BAHCC1: variants seen among roughly 807,000 people sequenced by gnomAD.
BAHCC1 encodes BAH domain and coiled-coil containing 1, also known as BAH and coiled-coil domain-containing protein 1.
Under a neutral mutation model 88.2 loss-of-function variants are expected in BAHCC1, and 43 were observed. The ratio of observed to expected loss-of-function variants is 0.49; its 90% CI spans 0.38 to 0.63. The LOEUF is 0.63. Ranked by LOEUF, BAHCC1 falls within the 20% of genes least tolerant of loss-of-function variation. The pLI, the probability that BAHCC1 is intolerant of heterozygous loss-of-function variation, is 0.00. For missense variants in BAHCC1, 3,023 were observed against 1,654.8 expected (o/e 1.83, Z -14.34); for synonymous variants, 1,510 against 745.5 (o/e 2.03, Z -16.71).
intron 11 of BAHCC1, 111 bp downstream of exon 11, chr17:81,447,959 A>G (rs2064565271): frequency 3.0e-6 from 2 of 663,778 alleles, no homozygotes; most frequent in East Asian, 2.7e-5. Flanking sequence ...AGTTGTCCCC[A>G]AAGTGTGGTA....
chr17:81,409,197 C>A (rs879979976), intron 2 of BAHCC1, among the ~76,000 whole-genome samples: 13 of 152,262 alleles, frequency 8.5e-5, no homozygotes, highest in Admixed American at 2.0e-4. Flanking sequence ...ATGGCAGCAT[C>A]CCCTGGCCTT....
chr17:81,452,276 C>A (rs2064653957), intron 13 of BAHCC1, among the ~76,000 whole-genome samples, 169 bp downstream of exon 13: 3 of 152,154 alleles, frequency 2.0e-5, no homozygotes, highest in Non-Finnish European at 1.5e-5. Context: ...CAGTGGGGCC[C>A]AAGGAGGGAG....
At chr17:81,454,308 G>C (rs1372350570) in intron 14 of BAHCC1, among the ~76,000 whole-genome samples, 2 of 152,200 alleles carry the variant, frequency 1.3e-5, no homozygotes, top group Non-Finnish European at 2.9e-5. Flanking sequence ...ATGTAGGCTG[G>C]AGTTGACTTC....
intron 1 of BAHCC1, among the ~76,000 whole-genome samples, chr17:81,398,003 A>G (rs781844557): frequency 6.6e-6 from 1 of 152,218 alleles, no homozygotes; most frequent in African/African-American, 2.4e-5. Context: ...TAGAACCCGG[A>G]CCATAAAATA....
chr17:81,433,945 G>T (rs1421305283), intron 3 of BAHCC1, among the ~76,000 whole-genome samples: 1 of 152,242 alleles, frequency 6.6e-6, no homozygotes, highest in Non-Finnish European at 1.5e-5. Context: ...GTGCTGAGTT[G>T]CGGGCGGGTG....
At chr17:81,396,972 G>A (rs1363410116) in intron 1 of BAHCC1, 2 of 152,196 alleles carry the variant, frequency 1.3e-5, no homozygotes, top group Non-Finnish European at 2.9e-5. Context: ...GCTGGGCTGG[G>A]AGTGGGCCCC....
intron 2 of BAHCC1, chr17:81,402,161 C>T (rs1352277657): frequency 1.3e-5 from 2 of 152,164 alleles, no homozygotes; most frequent in Non-Finnish European, 2.9e-5. Flanking sequence ...TCTGAAGGGT[C>T]ATGTGTCCCC....
chr17:81,454,433 A>T (rs1245841380), intron 14 of BAHCC1, among the ~76,000 whole-genome samples: 1 of 152,148 alleles, frequency 6.6e-6, no homozygotes, highest in Non-Finnish European at 1.5e-5. Context: ...GCAGAATTCC[A>T]TCCTTAAGAC....
chr17:81,396,829 C>G (rs997991927), intron 1 of BAHCC1: 1 of 152,482 alleles, frequency 6.6e-6, no homozygotes, highest in African/African-American at 2.4e-5. Context: ...TCCGAAATGC[C>G]CTCGTCAGCG....
At chr17:81,436,196 G>A (rs1555651707) in intron 3 of BAHCC1, among the ~76,000 whole-genome samples, 1 of 152,186 alleles carries the variant, frequency 6.6e-6, no homozygotes, top group Non-Finnish European at 1.5e-5. Context: ...AGGCAAGGAT[G>A]GGGGCACCAG....
intron 2 of BAHCC1, among the ~76,000 whole-genome samples, chr17:81,423,725 G>C (rs1472171799): frequency 6.6e-6 from 1 of 152,144 alleles, no homozygotes; most frequent in Non-Finnish European, 1.5e-5. Context: ...TGTGTGTGCT[G>C]TGTCCTCCGT....
Position 81,443,161 on chromosome 17 carries a change from C to T in BAHCC1, c.1812C>T (p.Ala604=). Residue 604 remains alanine (A), a synonymous_variant, in exon 5 of 28, where the codon GCC becomes GCT. Coordinates refer to ENST00000675386, the MANE Select transcript of BAHCC1 (RefSeq NM_001377448.1). ...TCAGCGAGGAGCGCAAGGCTGGCGC[C>T]TACCTGGACCCCTTTGGCAGTGGCC... is the stretch of plus-strand genomic sequence containing the variant. The part of the protein sequence containing the change: ...MAISEERKAG[A]YLDPFGSGLQ... 1 of 778,442 alleles carries T rather than the reference C, an allele frequency of 1.3e-6. No individual in the cohort carries two copies. The highest frequency in any genetic ancestry group is 2.4e-6 in the Non-Finnish European group (1 of 417,244). The allele number at this position is 778,442 out of a possible 1,614,324, so 48.2% of individuals were successfully genotyped here. A position where few individuals can be genotyped will look rare whatever the true frequency, so the allele number is the denominator to read the frequency against.
rs1359417464 is a variant in BAHCC1, at chr17:81,443,400, C to T, written c.2051C>T (p.Ala684Val). 1.3e-6 allele frequency: 1 copy of T among 771,678 alleles called. No homozygotes were observed. The highest frequency in any genetic ancestry group is 2.4e-6 in the Non-Finnish European group (1 of 414,214). The allele number at this position is 771,678 out of a possible 1,614,324, so 47.8% of individuals were successfully genotyped here. Reference sequence around the variant, plus strand: ...GGCCAGTCGGAGAGGCCGGACTGTGCCCGCAGCAGGGAGCACGACACCACG... The same window carrying T: ...GGCCAGTCGGAGAGGCCGGACTGTGTCCGCAGCAGGGAGCACGACACCACG... ...GPGQSERPDC[A>V]RSREHDTTHG... is the part of the protein sequence containing the mutation. Residue 684 changes from alanine (A) to valine (V), a missense_variant, in exon 5 of 28, where the codon GCC (alanine) becomes GTC (valine). Ala to Val is a moderately conservative substitution (Grantham distance 64). Transcript: ENST00000675386.
intron 2 of BAHCC1, among the ~76,000 whole-genome samples, chr17:81,414,410 T>C (rs2143291161): frequency 6.6e-6 from 1 of 152,246 alleles, no homozygotes; most frequent in South Asian, 2.1e-4. Context: ...GAGCTCGGGC[T>C]GTGGGGTTGG....
At chr17:81,397,414 A>AACC (rs2063757370) in intron 1 of BAHCC1, among the ~76,000 whole-genome samples, 2 of 147,630 alleles carry the variant, frequency 1.4e-5, no homozygotes, top group African/African-American at 4.9e-5. Flanking sequence ...AAAAAAAAAC[A>AACC]ACCACAAAAC....
chr17:81,405,344 G>A (rs1303018266), intron 2 of BAHCC1, among the ~76,000 whole-genome samples: 1 of 152,212 alleles, frequency 6.6e-6, no homozygotes, highest in Non-Finnish European at 1.5e-5. Flanking sequence ...AGGATTACAG[G>A]TGTGAGCCAC....
At chr17:81,414,251 C>A (rs2063991183) in intron 2 of BAHCC1, among the ~76,000 whole-genome samples, 1 of 152,250 alleles carries the variant, frequency 6.6e-6, no homozygotes, top group African/African-American at 2.4e-5. Flanking sequence ...GCACCTCCTT[C>A]AGCGAGGGCC....
chr17:81,421,031 G>A (rs1223232856), intron 2 of BAHCC1, among the ~76,000 whole-genome samples: 8 of 152,252 alleles, frequency 5.3e-5, no homozygotes, highest in African/African-American at 7.2e-5. Flanking sequence ...GCCCACGACC[G>A]ACCTTGGGAG....
rs2030196415 is a variant in BAHCC1, at chr17:81,460,924, C to T, written c.6261C>T (p.Phe2087=). Residue 2087 remains phenylalanine, a synonymous_variant, in exon 26 of 28, where the codon TTC becomes TTT. Coordinates refer to ENST00000675386, the MANE Select transcript of BAHCC1 (RefSeq NM_001377448.1). ...AKSPTGASDH[F]LGRRGSPLLS... is the part of the protein sequence containing the mutation. ...CCCCCACGGGGGCCTCCGACCACTT[C>T]CTGGGCCGCCGTGGCAGCCCCTTGC... 2.6e-6 allele frequency: 2 copies of T among 769,218 alleles called. No individual in the cohort carries two copies. The highest frequency in any genetic ancestry group is 4.8e-6 in the Non-Finnish European group (2 of 417,878). The allele number at this position is 769,218 out of a possible 1,614,324, so 47.6% of individuals were successfully genotyped here.
Sources: allele counts gnomAD v4.1 joint callset (sites outside exome capture counted in the v4.1 genomes callset), GRCh38; gene constraint gnomAD v4.1.1; transcripts MANE v1.5; gene names NCBI Gene and HGNC (gene_info 2026-07-23, HGNC 2026-07-21).